Variants in FSTL4 observed in about 807,000 individuals in gnomAD.
FSTL4 encodes the protein follistatin-related protein 4.
Under a neutral mutation model 78.2 loss-of-function variants are expected in FSTL4, and 28 were observed. The observed-to-expected ratio is 0.36, with a 90% confidence interval of 0.27 to 0.49. The LOEUF (loss-of-function observed/expected upper bound fraction) is 0.49, where lower values mean the gene tolerates loss of function less well. Ranked by LOEUF, FSTL4 falls within the 20% of genes least tolerant of loss-of-function variation. The probability of loss-of-function intolerance (pLI) is 0.98; values close to 1 mark genes in which losing one functional copy is unlikely to be tolerated. For missense variants in FSTL4, 922 were observed against 1,084.9 expected (o/e 0.85, Z 2.11); for synonymous variants, 422 against 440.5 (o/e 0.96, Z 0.53).
At chr5:133,555,808 G>C (rs539995566) in intron 3 of FSTL4, among the ~76,000 whole-genome samples, 9 of 152,170 alleles carry the variant, frequency 5.9e-5, no homozygotes, top group African/African-American at 1.9e-4. Flanking sequence ...AACATGCAGG[G>C]GCTCACACAA....
intron 3 of FSTL4, among the ~76,000 whole-genome samples, chr5:133,412,564 AG>A (rs1756496836): frequency 6.6e-6 from 1 of 152,176 alleles, no homozygotes; most frequent in Admixed American, 6.5e-5. Flanking sequence ...TAGACAGAAA[AG>A]AACACTTATC....
At chr5:133,599,530 T>C (rs548115701) in intron 2 of FSTL4, among the ~76,000 whole-genome samples, 14 of 152,284 alleles carry the variant, frequency 9.2e-5, no homozygotes, top group African/African-American at 3.4e-4. Flanking sequence ...CTGAGGCACA[T>C]GAGGTGACAA....
chr5:133,693,084 C>T, the FSTL4 span, among the ~76,000 whole-genome samples: 2 of 152,234 alleles, frequency 1.3e-5, no homozygotes, highest in East Asian at 3.8e-4. Context: ...ATGAACTAAA[C>T]ACAGCCACAT....
intron 3 of FSTL4, among the ~76,000 whole-genome samples, chr5:133,449,321 G>T (rs902041039): frequency 1.3e-5 from 2 of 152,160 alleles, no homozygotes; most frequent in African/African-American, 4.8e-5. Context: ...TTGTTTGGGG[G>T]ACATCTCAAC....
At chr5:133,812,427 T>C in the FSTL4 span, among the ~76,000 whole-genome samples, 2 of 152,220 alleles carry the variant, frequency 1.3e-5, no homozygotes, top group Non-Finnish European at 2.9e-5. Flanking sequence ...CCAGTTCCTA[T>C]CACACCCTTC....
At chr5:133,742,305 A>T in the FSTL4 span, among the ~76,000 whole-genome samples, 1 of 152,174 alleles carries the variant, frequency 6.6e-6, no homozygotes, top group Non-Finnish European at 1.5e-5. Flanking sequence ...TCATGCCCCC[A>T]AACCCCAGCT....
chr5:133,436,235 T>TG (rs1757029386), intron 3 of FSTL4, among the ~76,000 whole-genome samples: 1 of 152,156 alleles, frequency 6.6e-6, no homozygotes, highest in African/African-American at 2.4e-5. Flanking sequence ...AAGTTTACAA[T>TG]GGAAGGACAA....
the FSTL4 span, among the ~76,000 whole-genome samples, chr5:133,833,920 C>T: frequency 3.3e-5 from 5 of 152,298 alleles, no homozygotes; most frequent in Non-Finnish European, 5.9e-5. Context: ...TTTGGACCCA[C>T]TCAATCTAGC....
At chr5:133,516,972 G>A (rs550785063) in intron 3 of FSTL4, among the ~76,000 whole-genome samples, 6 of 152,106 alleles carry the variant, frequency 3.9e-5, no homozygotes, top group Admixed American at 3.3e-4. Context: ...CAGCACTTTG[G>A]GAGACTGAGG....
the FSTL4 span, among the ~76,000 whole-genome samples, chr5:133,649,794 C>A: frequency 6.6e-6 from 1 of 152,030 alleles, no homozygotes; most frequent in Non-Finnish European, 1.5e-5. Flanking sequence ...TATTTCCTCC[C>A]AGTCTGTAGT....
intron 3 of FSTL4, among the ~76,000 whole-genome samples, chr5:133,402,990 G>GC (rs1273844236): frequency 1.3e-5 from 2 of 152,198 alleles, no homozygotes; most frequent in African/African-American, 2.4e-5. Flanking sequence ...TGGGCTGGAG[G>GC]CCCCCCACTC....
At chr5:133,277,262 G>A (rs1025859593) in intron 6 of FSTL4, among the ~76,000 whole-genome samples, 5 of 152,104 alleles carry the variant, frequency 3.3e-5, no homozygotes, top group East Asian at 3.9e-4. Context: ...GCAGTGAGCC[G>A]AGATTGTGCC....
intron 14 of FSTL4, among the ~76,000 whole-genome samples, chr5:133,203,380 A>C (rs1317487996): frequency 6.6e-6 from 1 of 152,158 alleles, no homozygotes; most frequent in Non-Finnish European, 1.5e-5. Flanking sequence ...TTAGGAATGG[A>C]GCTGCCTTCT....
intron 7 of FSTL4, among the ~76,000 whole-genome samples, chr5:133,239,642 A>C (rs577557379): frequency 3.3e-5 from 5 of 152,030 alleles, no homozygotes; most frequent in Non-Finnish European, 7.4e-5. Flanking sequence ...TAAATACACC[A>C]ATCAGCACTC....
chr5:133,199,208 G>A lies in FSTL4; in HGVS notation c.2416C>T (p.Leu806Phe), dbSNP rs1750235857. The change falls in exon 16 of 16, where the codon CTC (leucine) becomes TTC (phenylalanine). Residue 806 changes from leucine to phenylalanine, a missense_variant. Transcript: ENST00000265342. The surrounding 1 kb of genome is among the most constrained non-coding windows in gnomAD (Gnocchi z 4.4). ...AACAGTGACTCTCGGGCTGGTGTGA[G>A]GAGGTACTGTCCAAACAGCCCACTG... ...RDSGLFGQYL[L>F]TPARESLFLI... 1.2e-6 allele frequency: 2 copies of A among 1,613,208 alleles called. No homozygotes were observed. The highest frequency in any genetic ancestry group is 1.3e-5 in the African/African-American group (1 of 74,860).
At chr5:133,211,735 T>A (rs1015811138) in intron 13 of FSTL4, among the ~76,000 whole-genome samples, 1 of 152,216 alleles carries the variant, frequency 6.6e-6, no homozygotes, top group Non-Finnish European at 1.5e-5. Context: ...CCCGCCTCCC[T>A]GGCTTCTCCT....
intron 3 of FSTL4, among the ~76,000 whole-genome samples, chr5:133,557,591 A>T (rs1759815870): frequency 6.6e-6 from 1 of 152,170 alleles, no homozygotes; most frequent in Non-Finnish European, 1.5e-5. Flanking sequence ...GTCCAATCCC[A>T]GTGAGCTTTA....
chr5:133,409,422 A>G (rs867359628), intron 3 of FSTL4, among the ~76,000 whole-genome samples: 16 of 152,236 alleles, frequency 1.1e-4, no homozygotes, highest in Middle Eastern at 6.8e-3. Context: ...TCATCTCCCC[A>G]TCTGCTGTCT....
chr5:133,336,098 C>T (rs781308347), intron 4 of FSTL4, among the ~76,000 whole-genome samples: 1 of 152,220 alleles, frequency 6.6e-6, no homozygotes, highest in Non-Finnish European at 1.5e-5. Flanking sequence ...TGAACATAGA[C>T]CAAATAGGCA....
Sources: gnomAD v4.1 joint callset for allele counts (sites outside exome capture counted in the v4.1 genomes callset) on GRCh38, gnomAD v4.1.1 for gene constraint, Gnocchi (gnomAD v3.1) non-coding constraint, MANE v1.5 for transcripts, NCBI Gene and HGNC (gene_info 2026-07-23, HGNC 2026-07-21) for gene names.